FNBP1: variants seen among roughly 807,000 people sequenced by gnomAD.
The protein encoded by FNBP1 is formin-binding protein 1.
In FNBP1, 26 loss-of-function variants were observed where a neutral mutation model predicts 90.6. The ratio of observed to expected loss-of-function variants is 0.29; its 90% CI spans 0.21 to 0.40. The LOEUF (loss-of-function observed/expected upper bound fraction) is 0.40. Among genes scored for constraint, FNBP1 ranks in the 10% least tolerant of loss-of-function variants. The pLI, the probability that FNBP1 is intolerant of heterozygous loss-of-function variation, is 1.00. For missense variants in FNBP1, 635 were observed against 768.0 expected, an observed-to-expected ratio of 0.83 and a Z score of 2.05; for synonymous variants, 260 against 265.2, an observed-to-expected ratio of 0.98 and a Z score of 0.19.
At chr9:129,970,396 G>A (rs2049273424) in intron 4 of FNBP1, among the ~76,000 whole-genome samples, 2 of 151,736 alleles carry the variant, frequency 1.3e-5, no homozygotes. Flanking sequence ...AGTGGAGACG[G>A]GGTTTCACCA....
In FNBP1 at chr9:130,042,618, C is replaced by A. The variant is rs1052077785; in HGVS notation, c.24+334G>T. ...ACGCCCGGTCCCGGCCCTCCCCGGG[C>A]ATCCGCGGCTCGCCCCGGGGGATTA... On this transcript the variant is annotated intron_variant, in intron 1 of 16. Transcript: ENST00000446176. This position sits in a 1 kb window ranked among gnomAD's most constrained non-coding sequence, Gnocchi z 5.5. Among the ~76,000 whole-genome samples, 4 of 151,660 alleles carry A rather than the reference C, an allele frequency of 2.6e-5. No individual in the cohort carries two copies. The highest frequency in any genetic ancestry group is 4.4e-5 in the Non-Finnish European group (3 of 67,856).
At chr9:130,053,826 C>T in the FNBP1 span, 6 of 1,079,264 alleles carry the variant, frequency 5.6e-6, no homozygotes, top group Non-Finnish European at 8.0e-6. Flanking sequence ...ACCACAGGGT[C>T]AGCGGAGCTA....
chr9:130,053,063 C>T, the FNBP1 span, among the ~76,000 whole-genome samples: 15 of 152,116 alleles, frequency 9.9e-5, no homozygotes, highest in Non-Finnish European at 2.2e-4. Flanking sequence ...TTGCAGTGAG[C>T]TGAGATCGTG....
At chr9:129,927,851 T>C (rs1321375794) in intron 7 of FNBP1, among the ~76,000 whole-genome samples, 3 of 148,760 alleles carry the variant, frequency 2.0e-5, no homozygotes, top group Non-Finnish European at 4.4e-5. Context: ...CTCCAACTCC[T>C]TACCTCAGGT....
At chr9:130,050,305 A>G in the FNBP1 span, among the ~76,000 whole-genome samples, 1 of 152,212 alleles carries the variant, frequency 6.6e-6, no homozygotes, top group Non-Finnish European at 1.5e-5. Flanking sequence ...AAAGATGTAC[A>G]TAAAATCAAG....
At position 129,957,325 on chromosome 9, in the gene FNBP1, A is replaced by G. The variant is rs1249322293; in HGVS notation, c.513+35T>C. On this transcript the variant is annotated intron_variant, in intron 6 of 16. Coordinates refer to ENST00000446176, the MANE Select transcript of FNBP1 (RefSeq NM_015033.3). This position sits in a 1 kb window ranked among gnomAD's most constrained non-coding sequence, Gnocchi z 4.3. ...AGTGCTGGGATTACAGGCGTGAGCC[A>G]CCGTGCCCGGCCCACACTTGAGCTT... 6.8e-7 allele frequency: 1 copy of G among 1,473,718 alleles called. No homozygotes were observed. The allele number at this position is 1,473,718 out of a possible 1,614,324, so 91.3% of individuals were successfully genotyped here. A position where few individuals can be genotyped will look rare whatever the true frequency, so the allele number is the denominator to read the frequency against.
At chr9:130,047,866 G>A (rs2060069313), upstream of FNBP1, among the ~76,000 whole-genome samples, 1 of 152,062 alleles carries the variant, frequency 6.6e-6, no homozygotes, top group African/African-American at 2.4e-5. Context: ...CGGGATCTTA[G>A]GTGGACAGAT....
intron 1 of FNBP1, among the ~76,000 whole-genome samples, chr9:130,035,906 A>C (rs1276081617): frequency 6.6e-6 from 1 of 152,196 alleles, no homozygotes; most frequent in Non-Finnish European, 1.5e-5. Flanking sequence ...AGATCGTGCC[A>C]TTGCACTCCA....
At chr9:129,903,063 A>AC in intron 12 of FNBP1, 62 bp from the exon 13 acceptor site, 1 of 1,492,316 alleles carries the variant, frequency 6.7e-7, no homozygotes, top group East Asian at 2.5e-5. Flanking sequence ...AGACAGTTTC[A>AC]CTCTTGTCAC....
Position 129,923,909 on chromosome 9 carries a change from G to A in FNBP1, c.1105C>T (p.His369Tyr). 2 of 1,601,254 alleles carry A rather than the reference G, an allele frequency of 1.2e-6. No homozygotes were observed. Among genetic ancestry groups the A allele is most frequent in the Non-Finnish European group, 1.7e-6 (2 of 1,175,132 alleles). Residue 369 changes from histidine (H) to tyrosine (Y), a missense_variant, in exon 10 of 17, where the codon CAT becomes TAT. His to Tyr is a moderately conservative substitution (Grantham distance 83). Coordinates refer to ENST00000446176, the MANE Select transcript of FNBP1 (RefSeq NM_015033.3). The stretch of plus-strand genomic sequence containing the variant: ...GAGGTCATGAACTCGTTGAAGCGAT[G>A]GGAGAGGGGTTCCTTTTGCTGCTTG... Reference protein sequence around the residue: ...SPKQQKEPLSHRFNEFMTSKP... With the variant: ...SPKQQKEPLSYRFNEFMTSKP...
At chr9:129,946,343 T>C (rs1314421505) in intron 6 of FNBP1, among the ~76,000 whole-genome samples, 1 of 152,186 alleles carries the variant, frequency 6.6e-6, no homozygotes, top group Non-Finnish European at 1.5e-5. Context: ...GAAGTCTGTA[T>C]ACAAAAAATG....
At chr9:130,000,251 G>A (rs2054620485) in intron 1 of FNBP1, among the ~76,000 whole-genome samples, 1 of 152,188 alleles carries the variant, frequency 6.6e-6, no homozygotes, top group Non-Finnish European at 1.5e-5. Flanking sequence ...AGCACTTCGG[G>A]AGGCAGAAGC....
At position 129,889,426 on chromosome 9, in the gene FNBP1, C is replaced by T. The variant is rs148869305; in HGVS notation, c.*1113G>A. 3.0e-3 allele frequency: 552 copies of T among 181,672 alleles called. 2 individuals are homozygous for T. The highest frequency in any genetic ancestry group is 3.3e-3 in the African/African-American group (140 of 42,432). 11.3% of individuals were successfully genotyped at this position (181,672 alleles called of 1,614,324 possible). On this transcript the variant is annotated 3_prime_UTR_variant, in exon 17 of 17. Transcript: ENST00000446176. The stretch of plus-strand genomic sequence containing the variant: ...CTCTACTAAAAATACAAACATTAGC[C>T]GGGCGTGGTGGTGCACGCCTGTAAT...
intron 2 of FNBP1, among the ~76,000 whole-genome samples, chr9:129,985,359 GAAT>G (rs1448825150): frequency 1.3e-5 from 2 of 152,128 alleles, no homozygotes; most frequent in Non-Finnish European, 2.9e-5. Flanking sequence ...TATAAGGTGA[GAAT>G]GATGATGATG....
chr9:130,053,659 G>T, the FNBP1 span: 1 of 506,168 alleles, frequency 2.0e-6, no homozygotes, highest in East Asian at 3.8e-5. Context: ...GGTGCGGCCC[G>T]GGCTGGTCTG....
rs376803729 is a variant in FNBP1, at chr9:129,993,868, G to T, written c.140+975C>A. Among the ~76,000 whole-genome samples, 88 of 150,118 alleles carry T rather than the reference G, an allele frequency of 5.9e-4. 1 individual carries two copies. In the South Asian group the frequency reaches 0.019, roughly 32 times the overall value. On this transcript the variant is annotated intron_variant, in intron 2 of 16. Coordinates refer to ENST00000446176, the MANE Select transcript of FNBP1 (RefSeq NM_015033.3). The stretch of plus-strand genomic sequence containing the variant: ...TCGAACTCCTGACCTCAGGCAATCC[G>T]CCCACCTTTGCCTCCCAAAGTGCTG...
the FNBP1 span, among the ~76,000 whole-genome samples, chr9:130,053,206 T>C: frequency 6.6e-6 from 1 of 151,976 alleles, no homozygotes; most frequent in East Asian, 1.9e-4. Context: ...AGACTTGGGG[T>C]TGGATGAAAT....
intron 15 of FNBP1, among the ~76,000 whole-genome samples, 188 bp downstream of exon 15, chr9:129,899,768 AAGGGAAGGG>A (rs1288178261): frequency 3.7e-5 from 5 of 133,620 alleles, no homozygotes; most frequent in Non-Finnish European, 8.0e-5. Context: ...GAAGGGAAGG[AAGGGAAGGG>A]AGGGAAGGGA....
intron 1 of FNBP1, among the ~76,000 whole-genome samples, chr9:130,007,773 T>C (rs2055980697): frequency 6.6e-6 from 1 of 152,064 alleles, no homozygotes; most frequent in Non-Finnish European, 1.5e-5. Context: ...CCCAACACTT[T>C]GGGAGGCCCA....
Sources: allele counts gnomAD v4.1 joint callset (sites outside exome capture counted in the v4.1 genomes callset), GRCh38; gene constraint gnomAD v4.1.1; non-coding constraint Gnocchi (gnomAD v3.1); transcripts MANE v1.5; gene names NCBI Gene and HGNC (gene_info 2026-07-23, HGNC 2026-07-21).